Variants in MAP10 observed in about 807,000 individuals in gnomAD.
MAP10 encodes the protein microtubule-associated protein 10.
MAP10 carries 10 observed loss-of-function variants against 6.3 expected under a neutral mutation model. That is an observed-to-expected ratio of 1.58 (90% CI 0.98 to 2.69). The LOEUF (loss-of-function observed/expected upper bound fraction) is 2.69. MAP10 is among the 30% of genes most tolerant of loss of function. The pLI is 0.00. For synonymous variants in MAP10, 459 were observed against 429.3 expected, an observed-to-expected ratio of 1.07 and a Z score of -0.86; for missense variants, 1,189 against 1,086.5, an observed-to-expected ratio of 1.09 and a Z score of -1.33.
chr1:232,805,535 C>G lies in MAP10; in HGVS notation c.86C>G (p.Pro29Arg), dbSNP rs1666079230. The change falls in exon 1 of 1, where the codon CCC (proline) becomes CGC (arginine). Residue 29 changes from proline (P) to arginine (R), a missense_variant. Transcript: ENST00000418460. ...VRLEARLLPS[P>R]AAAVEQEEEE... ...TTGGAAGCCCGGCTGCTGCCGTCCC[C>G]CGCTGCCGCAGTGGAGCAGGAGGAG... 3 of 1,562,850 alleles carry G rather than the reference C, an allele frequency of 1.9e-6. No homozygotes were observed. Among genetic ancestry groups the G allele is most frequent in the African/African-American group, 2.7e-5 (2 of 73,790 alleles).
rs1324272265 is a variant in MAP10, at chr1:232,807,989, A to C, written c.2540A>C (p.Gln847Pro). Residue 847 changes from glutamine (Q) to proline (P), a missense_variant, in exon 1 of 1, where the codon CAA becomes CCA. Physicochemically the swap from Gln to Pro is moderately conservative, Grantham distance 76 (BLOSUM62 -1). Transcript: ENST00000418460. ...TCTTTAGAAAAAAGCCAGTCACCACAAACATCCCAGGTGAGTTCTTACCTG... is the reference window on the plus strand; with the variant it reads ...TCTTTAGAAAAAAGCCAGTCACCACCAACATCCCAGGTGAGTTCTTACCTG... Reference protein sequence around the residue: ...WKSLEKSQSPQTSQVSSYLPS... With the variant: ...WKSLEKSQSPPTSQVSSYLPS... The C allele has an allele frequency of 1.2e-6, 2 of 1,613,558 alleles. No individual in the cohort carries two copies. Among genetic ancestry groups the C allele is most frequent in the East Asian group, 2.2e-5 (1 of 44,874 alleles).
rs371342827 is a variant in MAP10, at chr1:232,805,646, C to T, written c.197C>T (p.Thr66Met). 6.3e-7 allele frequency: 1 copy of T among 1,587,380 alleles called. No homozygotes were observed. ...AVAFRLLDFP[T>M]LLVYPPDGPG... The stretch of plus-strand genomic sequence containing the variant: ...GCCTTCCGCCTGCTGGACTTCCCCA[C>T]GCTGTTGGTTTACCCTCCTGACGGC... Residue 66 changes from threonine (T) to methionine (M), a missense_variant, in exon 1 of 1, where the codon ACG becomes ATG. Physicochemically the swap from Thr to Met is moderately conservative, Grantham distance 81. Transcript: ENST00000418460.
rs1419341327 is a variant in MAP10 at position 232,808,106 on chromosome 1, C to T, written c.2657C>T (p.Ser886Phe). 1 of 1,591,548 alleles carries T rather than the reference C, an allele frequency of 6.3e-7. No homozygotes were observed. Among genetic ancestry groups the T allele is most frequent in the Admixed American group, 1.7e-5 (1 of 59,190 alleles). Reference protein sequence around the residue: ...GNDDVGSLNISKQCKDICELV... With the variant: ...GNDDVGSLNIFKQCKDICELV... ...GATGATGTTGGTTCACTAAATATTT[C>T]CAAGCAATGCAAAGATATTTGTGAA... The change falls in exon 1 of 1, where the codon TCC becomes TTC. Residue 886 changes from serine to phenylalanine, a missense_variant. Coordinates refer to ENST00000418460, the MANE Select transcript of MAP10 (RefSeq NM_019090.3).
At position 232,807,521 on chromosome 1, in the gene MAP10, G is replaced by A; in HGVS notation, c.2072G>A (p.Cys691Tyr). 6.2e-7 allele frequency: 1 copy of A among 1,613,702 alleles called. No homozygotes were observed. Among genetic ancestry groups the A allele is most frequent in the Non-Finnish European group, 8.5e-7 (1 of 1,179,762 alleles). The change falls in exon 1 of 1, where the codon TGC (cysteine) becomes TAC (tyrosine). Residue 691 changes from cysteine (C) to tyrosine (Y), a missense_variant. Physicochemically the swap from Cys to Tyr is radical, Grantham distance 194. Transcript: ENST00000418460. The stretch of plus-strand genomic sequence containing the variant: ...GACAAGAGAACAGGTAAAAATAGTT[G>A]CTATGAAAACATCTCAGAACTGAAG... ...ISDKRTGKNS[C>Y]YENISELKYS...
rs10489578 is a variant in MAP10 at position 232,809,509 on chromosome 1, C to A, written c.*1342C>A. ...AAATATTATCTTGAATAGAATGATC[C>A]ACTCATGCTACAGAGTGGTAGAAAG... On this transcript the variant is annotated 3_prime_UTR_variant, in exon 1 of 1. Coordinates refer to ENST00000418460, the MANE Select transcript of MAP10 (RefSeq NM_019090.3). Among the ~76,000 whole-genome samples, 1 of 151,820 alleles carries A rather than the reference C, an allele frequency of 6.6e-6. No individual in the cohort carries two copies. Among genetic ancestry groups the A allele is most frequent in the African/African-American group, 2.4e-5 (1 of 41,344 alleles).
chr1:232,809,503 A>G lies in MAP10; in HGVS notation c.*1336A>G, dbSNP rs1666164967. Among the ~76,000 whole-genome samples the G allele has an allele frequency of 6.6e-6, 1 of 152,052 alleles. No individual in the cohort carries two copies. Among genetic ancestry groups the G allele is most frequent in the African/African-American group, 2.4e-5 (1 of 41,442 alleles). ...AATTTAAAATATTATCTTGAATAGAATGATCCACTCATGCTACAGAGTGGT... is the reference window on the plus strand; with the variant it reads ...AATTTAAAATATTATCTTGAATAGAGTGATCCACTCATGCTACAGAGTGGT... On this transcript the variant is annotated 3_prime_UTR_variant, in exon 1 of 1. Transcript: ENST00000418460.
chr1:232,808,757 T>C lies in MAP10; in HGVS notation c.*590T>C, dbSNP rs548428257. 1.5e-4 allele frequency among the ~76,000 whole-genome samples: 23 copies of C among 152,302 alleles called. No individual in the cohort carries two copies. In the South Asian group the frequency reaches 4.6e-3, roughly 30 times the overall value. On this transcript the variant is annotated 3_prime_UTR_variant, in exon 1 of 1. Coordinates refer to ENST00000418460, the MANE Select transcript of MAP10 (RefSeq NM_019090.3). ...TGTGTGATTACTTGATTAAAGTTTA[T>C]CTTCCACTAGGCTTCAGTTGTGTGA...
At position 232,805,685 on chromosome 1, in the gene MAP10, C is replaced by T. The variant is rs1207993687; in HGVS notation, c.236C>T (p.Ala79Val). 6.2e-7 allele frequency: 1 copy of T among 1,603,118 alleles called. No individual in the cohort carries two copies. Among genetic ancestry groups the T allele is most frequent in the Admixed American group, 1.7e-5 (1 of 59,720 alleles). Residue 79 changes from alanine (A) to valine (V), a missense_variant, in exon 1 of 1, where the codon GCC (alanine) becomes GTC (valine). Physicochemically the swap from Ala to Val is moderately conservative, Grantham distance 64 (BLOSUM62 0). Transcript: ENST00000418460. ...VYPPDGPGAPAAEPWPGVIRF... is the reference protein window; with the variant it reads ...VYPPDGPGAPVAEPWPGVIRF... The stretch of plus-strand genomic sequence containing the variant: ...CCTCCTGACGGCCCCGGCGCTCCCG[C>T]CGCCGAACCGTGGCCCGGTGTCATC...
In MAP10 at chr1:232,807,692, G is replaced by T; in HGVS notation, c.2243G>T (p.Gly748Val). 1 of 1,613,370 alleles carries T rather than the reference G, an allele frequency of 6.2e-7. No individual in the cohort carries two copies. The highest frequency in any genetic ancestry group is 1.1e-5 in the South Asian group (1 of 91,016). ...SQYTSKSSDT[G>V]VSKKKNSSDR... ...TATACAAGCAAGTCTAGTGACACAGGAGTGTCCAAAAAGAAAAATAGTAGT... is the reference window on the plus strand; with the variant it reads ...TATACAAGCAAGTCTAGTGACACAGTAGTGTCCAAAAAGAAAAATAGTAGT... Residue 748 changes from glycine (G) to valine (V), a missense_variant, in exon 1 of 1, where the codon GGA becomes GTA. Physicochemically the swap from Gly to Val is moderately radical, Grantham distance 109 (BLOSUM62 -3). Coordinates refer to ENST00000418460, the MANE Select transcript of MAP10 (RefSeq NM_019090.3).
At position 232,805,759 on chromosome 1, in the gene MAP10, C is replaced by T. The variant is rs755052589; in HGVS notation, c.310C>T (p.Leu104=). The change falls in exon 1 of 1, where the codon CTG becomes TTG. Residue 104 remains leucine (L), a synonymous_variant. Coordinates refer to ENST00000418460, the MANE Select transcript of MAP10 (RefSeq NM_019090.3). The part of the protein sequence containing the change: ...SCLFRLQPAT[L]HCRLLRTPLA... ...CCTCTTCCGCCTGCAGCCTGCTACCCTGCACTGCCGGCTCCTGCGGACCCC... is the reference window on the plus strand; with the variant it reads ...CCTCTTCCGCCTGCAGCCTGCTACCTTGCACTGCCGGCTCCTGCGGACCCC... 10 of 1,603,380 alleles carry T rather than the reference C, an allele frequency of 6.2e-6. No homozygotes were observed. The highest frequency in any genetic ancestry group is 5.0e-5 in the Admixed American group (3 of 59,654).
Position 232,805,642 on chromosome 1 carries a change from C to T in MAP10, c.193C>T (p.Pro65Ser). 6.3e-7 allele frequency: 1 copy of T among 1,584,764 alleles called. No homozygotes were observed. Among genetic ancestry groups the T allele is most frequent in the Non-Finnish European group, 8.6e-7 (1 of 1,168,808 alleles). Residue 65 changes from proline (P) to serine (S), a missense_variant, in exon 1 of 1, where the codon CCC (proline) becomes TCC (serine). By Grantham distance (74) the Pro-to-Ser change is moderately conservative. Coordinates refer to ENST00000418460, the MANE Select transcript of MAP10 (RefSeq NM_019090.3). ...PAVAFRLLDF[P>S]TLLVYPPDGP... The stretch of plus-strand genomic sequence containing the variant: ...CGTGGCCTTCCGCCTGCTGGACTTC[C>T]CCACGCTGTTGGTTTACCCTCCTGA...
rs1558361646 is a variant in MAP10, at chr1:232,807,009, A to G, written c.1560A>G (p.Lys520=). 1 of 1,613,162 alleles carries G rather than the reference A, an allele frequency of 6.2e-7. No homozygotes were observed. Among genetic ancestry groups the G allele is most frequent in the South Asian group, 1.1e-5 (1 of 90,804 alleles). ...CTGATATGTTGGTGGTACATGAAAA[A>G]AGAGAACTATATAGAAAAAGACAAT... The part of the protein sequence containing the change: ...TNPDMLVVHE[K]RELYRKRQSQ... Residue 520 remains lysine (K), a synonymous_variant, in exon 1 of 1, where the codon AAA becomes AAG. Transcript: ENST00000418460.
chr1:232,807,040 A>AT, the MAP10 span: 1 of 1,613,204 alleles, frequency 6.2e-7, no homozygotes, highest in Non-Finnish European at 8.5e-7. Context: ...ACAATCACAA[A>AT]TGTTGGGTAC....
chr1:232,806,463 T>TG, the MAP10 span: 43 of 1,613,732 alleles, frequency 2.7e-5, no homozygotes, highest in Non-Finnish European at 3.4e-5. Flanking sequence ...ATGCTTCTCC[T>TG]GAAAAAAAGC....
In MAP10 at chr1:232,807,248, A is replaced by C. The variant is rs771083327; in HGVS notation, c.1799A>C (p.Lys600Thr). 1 of 1,613,300 alleles carries C rather than the reference A, an allele frequency of 6.2e-7. No individual in the cohort carries two copies. The highest frequency in any genetic ancestry group is 8.5e-7 in the Non-Finnish European group (1 of 1,179,654). ...KETKLKYATE[K>T]KTVDCSKNRI... ...ACTAAACTGAAATATGCAACTGAAA[A>C]AAAGACAGTTGATTGTAGTAAAAAT... Residue 600 changes from lysine to threonine, a missense_variant, in exon 1 of 1, where the codon AAA becomes ACA. Coordinates refer to ENST00000418460, the MANE Select transcript of MAP10 (RefSeq NM_019090.3).
Position 232,806,922 on chromosome 1 carries a change from A to G in MAP10, c.1473A>G (p.Pro491=). The G allele has an allele frequency of 3.7e-6, 6 of 1,607,772 alleles. No individual in the cohort carries two copies. Among genetic ancestry groups the G allele is most frequent in the Admixed American group, 1.7e-5 (1 of 58,612 alleles). Residue 491 remains proline, a synonymous_variant, in exon 1 of 1, where the codon CCA becomes CCG. Transcript: ENST00000418460. ...GTGGTGCCCTCCATAAAAGAGTTCCAAAAGGGAGGCTACTTTATGGCTTAA... is the reference window on the plus strand; with the variant it reads ...GTGGTGCCCTCCATAAAAGAGTTCCGAAAGGGAGGCTACTTTATGGCTTAA... ...KSSGALHKRV[P]KGRLLYGLTN...
At position 232,807,508 on chromosome 1, in the gene MAP10, G is replaced by A. The variant is rs569833911; in HGVS notation, c.2059G>A (p.Gly687Ser). The change falls in exon 1 of 1, where the codon GGT (glycine) becomes AGT (serine). Residue 687 changes from glycine (G) to serine (S), a missense_variant. Coordinates refer to ENST00000418460, the MANE Select transcript of MAP10 (RefSeq NM_019090.3). ...LMADISDKRTGKNSCYENISE... is the reference protein window; with the variant it reads ...LMADISDKRTSKNSCYENISE... Reference sequence around the variant, plus strand: ...GGCTGATATAAGTGACAAGAGAACAGGTAAAAATAGTTGCTATGAAAACAT... The same window carrying A: ...GGCTGATATAAGTGACAAGAGAACAAGTAAAAATAGTTGCTATGAAAACAT... 1.3e-5 allele frequency: 21 copies of A among 1,613,786 alleles called. No individual in the cohort carries two copies. Among genetic ancestry groups the A allele is most frequent in the South Asian group, 2.2e-5 (2 of 91,054 alleles).
At chr1:232,806,279 G>GC in the MAP10 span, 1 of 1,613,962 alleles carries the variant, frequency 6.2e-7, no homozygotes. Context: ...TCAGGTGCTG[G>GC]CAATGGGAGA....
chr1:232,805,453 G>T lies in MAP10; in HGVS notation c.4G>T (p.Ala2Ser). 2 of 1,608,808 alleles carry T rather than the reference G, an allele frequency of 1.2e-6. No homozygotes were observed. Among genetic ancestry groups the T allele is most frequent in the Non-Finnish European group, 1.7e-6 (2 of 1,177,814 alleles). Reference sequence around the variant, plus strand: ...GGCGTTTCCTGGGGCAACAGCAATGGCGGCCTCGCTGTCCGAGCGGCTCTT... The same window carrying T: ...GGCGTTTCCTGGGGCAACAGCAATGTCGGCCTCGCTGTCCGAGCGGCTCTT... The part of the protein sequence containing the change: M[A>S]ASLSERLFSL... The change falls in exon 1 of 1, where the codon GCG becomes TCG. Residue 2 changes from alanine to serine, a missense_variant. Ala to Ser is a moderately conservative substitution (Grantham distance 99). Transcript: ENST00000418460.
Sources: gnomAD v4.1 joint callset for allele counts (sites outside exome capture counted in the v4.1 genomes callset) on GRCh38, gnomAD v4.1.1 for gene constraint, MANE v1.5 for transcripts, NCBI Gene and HGNC (gene_info 2026-07-23, HGNC 2026-07-21) for gene names.